The following TNR variants were observed in gnomAD, a reference collection of about 807,000 sequenced individuals.
TNR encodes tenascin R.
A neutral mutation model predicts 150.4 loss-of-function variants in TNR; 45 were observed. That is an observed-to-expected ratio of 0.30 (90% CI 0.24 to 0.38). The LOEUF (loss-of-function observed/expected upper bound fraction) is 0.38, where lower values mean the gene tolerates loss of function less well. Ranked by LOEUF, TNR falls within the 10% of genes least tolerant of loss-of-function variation. The pLI is 1.00. For missense variants in TNR, 1,544 were observed against 1,759.1 expected (o/e 0.88, Z 2.19); for synonymous variants, 687 against 678.4 (o/e 1.01, Z -0.20).
intron 18 of TNR, among the ~76,000 whole-genome samples, chr1:175,349,957 T>G (rs939546041): frequency 6.6e-6 from 1 of 152,220 alleles, no homozygotes; most frequent in Non-Finnish European, 1.5e-5. Context: ...CCTCTGCACT[T>G]TGGTGAAAAG....
chr1:175,435,532 G>A (rs959824744), intron 2 of TNR, among the ~76,000 whole-genome samples: 7 of 152,314 alleles, frequency 4.6e-5, no homozygotes, highest in African/African-American at 1.7e-4. Flanking sequence ...GGGGAACGTT[G>A]AATATACGAA....
chr1:175,333,411 G>A (rs1650049229), intron 20 of TNR: 1 of 152,156 alleles, frequency 6.6e-6, no homozygotes, highest in Non-Finnish European at 1.5e-5. Context: ...TCGATTCATG[G>A]GTATTACACT....
intron 1 of TNR, among the ~76,000 whole-genome samples, chr1:175,624,420 TA>T (rs1664079755): frequency 6.6e-6 from 1 of 152,044 alleles, no homozygotes; most frequent in Non-Finnish European, 1.5e-5. Flanking sequence ...AGTGGGCCCA[TA>T]ATTCATTATG....
chr1:175,439,203 C>G (rs1296341809), intron 2 of TNR, among the ~76,000 whole-genome samples: 1 of 151,060 alleles, frequency 6.6e-6, no homozygotes, highest in African/African-American at 2.4e-5. Context: ...CAGAACAGAG[C>G]CCTCAGAAAT....
intron 4 of TNR, among the ~76,000 whole-genome samples, chr1:175,397,532 A>G (rs530833669): frequency 6.6e-6 from 1 of 152,346 alleles, no homozygotes; most frequent in Admixed American, 6.5e-5. Context: ...ATAAAGACTC[A>G]TTCCTGATTA....
chr1:175,481,830 T>C (rs188437140), intron 2 of TNR, among the ~76,000 whole-genome samples: 1 of 152,238 alleles, frequency 6.6e-6, no homozygotes, highest in East Asian at 1.9e-4. Context: ...AGAACTTTTC[T>C]CTAAGAACAA....
chr1:175,677,127 G>A (rs544676997), intron 1 of TNR, among the ~76,000 whole-genome samples: 136 of 152,350 alleles, frequency 8.9e-4, no homozygotes, highest in African/African-American at 3.1e-3. Context: ...TATTAAGAGA[G>A]GCTGAAGAAA....
At chr1:175,482,365 A>G (rs148279867) in intron 2 of TNR, among the ~76,000 whole-genome samples, 141 of 152,354 alleles carry the variant, frequency 9.3e-4, no homozygotes, top group Non-Finnish European at 1.5e-3. Flanking sequence ...CGGAAGGGAT[A>G]AAACTTTTCT....
chr1:175,515,324 C>A (rs986901708), intron 2 of TNR, among the ~76,000 whole-genome samples: 1 of 152,138 alleles, frequency 6.6e-6, no homozygotes, highest in Non-Finnish European at 1.5e-5. Flanking sequence ...TCTGTGCTCC[C>A]GCATATAGTA....
At chr1:175,724,138 T>C (rs562206748) in intron 1 of TNR, among the ~76,000 whole-genome samples, 1 of 152,240 alleles carries the variant, frequency 6.6e-6, no homozygotes, top group East Asian at 1.9e-4. Flanking sequence ...AGGATTGTAT[T>C]AGTTTCTTCT....
At chr1:175,601,209 C>G (rs1466433384) in intron 1 of TNR, among the ~76,000 whole-genome samples, 1 of 152,242 alleles carries the variant, frequency 6.6e-6, no homozygotes, top group African/African-American at 2.4e-5. Context: ...AAAACCGCCA[C>G]ATCCTGCACT....
Position 175,646,407 on chromosome 1 carries a change from G to T in TNR, c.-165+96819C>A, listed in dbSNP as rs150092165. On this transcript the variant is annotated intron_variant, in intron 1 of 22. Coordinates refer to ENST00000367674, the MANE Select transcript of TNR (RefSeq NM_003285.3). ...TGCCAGTAGAGCAGGAGCAGTGCCA[G>T]GTAGAATTCTTGCTGAAAATTACTT... 6.2e-4 allele frequency among the ~76,000 whole-genome samples: 95 copies of T among 152,314 alleles called. 1 individual carries two copies. In the East Asian group the frequency reaches 7.1e-3, roughly 11 times the overall value.
chr1:175,428,413 T>G (rs1175476917), intron 2 of TNR, among the ~76,000 whole-genome samples: 1 of 152,220 alleles, frequency 6.6e-6, no homozygotes, highest in Non-Finnish European at 1.5e-5. Context: ...CTGCTAAGTT[T>G]ATTATTGTTA....
At chr1:175,699,285 A>C (rs1009361855) in intron 1 of TNR, among the ~76,000 whole-genome samples, 3 of 152,186 alleles carry the variant, frequency 2.0e-5, no homozygotes, top group Admixed American at 6.5e-5. Context: ...GGAAAGAGAA[A>C]GTGAGAAATC....
chr1:175,556,328 A>C (rs769482765), intron 1 of TNR, among the ~76,000 whole-genome samples: 2 of 152,282 alleles, frequency 1.3e-5, no homozygotes, highest in African/African-American at 4.8e-5. Flanking sequence ...AGTAATGTCC[A>C]TGAAGGACAA....
chr1:175,674,571 G>A (rs1558066829), intron 1 of TNR, among the ~76,000 whole-genome samples: 1 of 152,190 alleles, frequency 6.6e-6, no homozygotes, highest in Non-Finnish European at 1.5e-5. Flanking sequence ...ACTCTGTGGG[G>A]TTAGGGGGAG....
At chr1:175,733,919 G>A (rs1200610406) in intron 1 of TNR, among the ~76,000 whole-genome samples, 1 of 139,300 alleles carries the variant, frequency 7.2e-6, no homozygotes, top group Non-Finnish European at 1.5e-5. Context: ...CCTTGTGAGG[G>A]AGTCAGTTAT....
intron 2 of TNR, among the ~76,000 whole-genome samples, chr1:175,509,641 C>G (rs1263220380): frequency 1.3e-5 from 2 of 152,136 alleles, no homozygotes; most frequent in Non-Finnish European, 2.9e-5. Flanking sequence ...GACAGTCTTC[C>G]AGAAAATGAT....
chr1:175,615,912 T>C (rs1413789262), intron 1 of TNR, among the ~76,000 whole-genome samples: 1 of 152,260 alleles, frequency 6.6e-6, no homozygotes, highest in Admixed American at 6.5e-5. Flanking sequence ...CAAAAGATAT[T>C]TAATGACGTT....
Sources: gnomAD v4.1 joint callset for allele counts (sites outside exome capture counted in the v4.1 genomes callset) on GRCh38, gnomAD v4.1.1 for gene constraint, MANE v1.5 for transcripts, NCBI Gene and HGNC (gene_info 2026-07-23, HGNC 2026-07-21) for gene names.